The following MTHFD2L variants were observed in gnomAD, a reference collection of about 807,000 sequenced individuals.
MTHFD2L encodes methylenetetrahydrofolate dehydrogenase (NADP+ dependent) 2 like.
Under a neutral mutation model 34.9 loss-of-function variants are expected in MTHFD2L, and 29 were observed. The ratio of observed to expected loss-of-function variants is 0.83; its 90% CI spans 0.62 to 1.13. MTHFD2L has a LOEUF of 1.13. Ranked by LOEUF, MTHFD2L falls within the 50% of genes most tolerant of loss-of-function variation. The pLI is 0.00. For synonymous variants in MTHFD2L, 167 were observed against 155.7 expected (o/e 1.07, Z -0.54); for missense variants, 481 against 446.5 (o/e 1.08, Z -0.70).
intron 6 of MTHFD2L, among the ~76,000 whole-genome samples, chr4:74,228,839 T>TG (rs1739581768): frequency 6.6e-6 from 1 of 152,198 alleles, no homozygotes; most frequent in Admixed American, 6.5e-5. Context: ...TTAGGTGTGG[T>TG]GGGTGTTGAG....
intron 6 of MTHFD2L, among the ~76,000 whole-genome samples, chr4:74,270,989 A>T (rs1272506696): frequency 2.0e-5 from 3 of 152,098 alleles, no homozygotes; most frequent in African/African-American, 7.2e-5. Flanking sequence ...GTGTCTGTTC[A>T]TATCCTTCGC....
chr4:74,234,978 A>G lies in MTHFD2L; in HGVS notation c.805+9584A>G, dbSNP rs148291842. Among the ~76,000 whole-genome samples the G allele has an allele frequency of 3.4e-3, 523 of 152,198 alleles. 6 individuals are homozygous for G. Among genetic ancestry groups the G allele is most frequent in the African/African-American group, 0.012 (484 of 41,548 alleles). ...TGAACAGAAATTCACTAGGCAGAAT[A>G]AAAGGCAATGAGACTTCTGGCAGCT... is the stretch of plus-strand genomic sequence containing the variant. On this transcript the variant is annotated intron_variant, in intron 6 of 7. Coordinates refer to ENST00000325278, the MANE Select transcript of MTHFD2L (RefSeq NM_001144978.3).
intron 1 of MTHFD2L, 81 bp downstream of exon 1, chr4:74,158,362 G>A: frequency 9.4e-7 from 1 of 1,058,810 alleles, no homozygotes; most frequent in Non-Finnish European, 1.2e-6. Flanking sequence ...CGCGCGCGTG[G>A]GGCCCAAGGC....
chr4:74,189,601 GTCTC>G (rs1038166983), intron 3 of MTHFD2L, among the ~76,000 whole-genome samples: 1 of 144,556 alleles, frequency 6.9e-6, no homozygotes, highest in East Asian at 2.1e-4. Context: ...AGCCACTTAT[GTCTC>G]TCTCTCTCAT....
At chr4:74,268,363 G>T (rs1745566034) in intron 6 of MTHFD2L, 1 of 579,502 alleles carries the variant, frequency 1.7e-6, no homozygotes, top group Admixed American at 6.4e-5. Flanking sequence ...CTGAAGAAGT[G>T]ATCCACCTGA....
At chr4:74,192,403 C>T (rs1196484240) in intron 3 of MTHFD2L, among the ~76,000 whole-genome samples, 3 of 152,052 alleles carry the variant, frequency 2.0e-5, no homozygotes, top group African/African-American at 4.8e-5. Context: ...TTCCTTCACC[C>T]GTCCATTTTA....
intron 6 of MTHFD2L, chr4:74,266,758 A>C: frequency 1.5e-6 from 1 of 660,516 alleles, no homozygotes; most frequent in Non-Finnish European, 1.9e-6. Flanking sequence ...CCTGTCTATC[A>C]CTTTTCTGAG....
intron 6 of MTHFD2L, among the ~76,000 whole-genome samples, chr4:74,245,745 G>C (rs1448997305): frequency 6.6e-6 from 1 of 151,890 alleles, no homozygotes; most frequent in African/African-American, 2.4e-5. Flanking sequence ...TTTTGTCCTT[G>C]TGATAGTTTA....
At chr4:74,264,754 C>G (rs1026591001) in intron 6 of MTHFD2L, among the ~76,000 whole-genome samples, 1 of 151,690 alleles carries the variant, frequency 6.6e-6, no homozygotes, top group African/African-American at 2.4e-5. Flanking sequence ...GGTTGAGTTT[C>G]AGCAGCGTTA....
At chr4:74,287,163 G>T (rs1451865106) in intron 7 of MTHFD2L, among the ~76,000 whole-genome samples, 1 of 152,058 alleles carries the variant, frequency 6.6e-6, no homozygotes, top group Non-Finnish European at 1.5e-5. Flanking sequence ...CTCCTCTAGC[G>T]CAACTGACAT....
chr4:74,273,800 C>T (rs541381687), intron 6 of MTHFD2L, among the ~76,000 whole-genome samples: 29 of 152,290 alleles, frequency 1.9e-4, no homozygotes, highest in African/African-American at 6.7e-4. Flanking sequence ...TACCTCCTGC[C>T]TCAGCCCCCC....
intron 3 of MTHFD2L, among the ~76,000 whole-genome samples, chr4:74,177,566 C>T (rs1350524997): frequency 3.9e-5 from 6 of 151,928 alleles, no homozygotes. Flanking sequence ...GATATCACCT[C>T]ACACCTGTTA....
At chr4:74,274,069 C>G (rs1746321078) in intron 6 of MTHFD2L, among the ~76,000 whole-genome samples, 1 of 151,578 alleles carries the variant, frequency 6.6e-6, no homozygotes, top group African/African-American at 2.4e-5. Flanking sequence ...CCAGGCTGGT[C>G]TCAAACTCCT....
At chr4:74,222,781 A>G (rs761723301) in intron 5 of MTHFD2L, among the ~76,000 whole-genome samples, 10 of 152,098 alleles carry the variant, frequency 6.6e-5, no homozygotes, top group Non-Finnish European at 1.2e-4. Flanking sequence ...CATTTTCAAA[A>G]TTGTTTGCAA....
intron 6 of MTHFD2L, among the ~76,000 whole-genome samples, chr4:74,280,937 G>A (rs932066427): frequency 6.6e-6 from 1 of 151,928 alleles, no homozygotes; most frequent in Non-Finnish European, 1.5e-5. Flanking sequence ...CAACCCTGGG[G>A]AATATGAATT....
intron 7 of MTHFD2L, among the ~76,000 whole-genome samples, chr4:74,297,703 CT>C: frequency 6.6e-6 from 1 of 152,202 alleles, no homozygotes; most frequent in South Asian, 2.1e-4. Flanking sequence ...TGCTTGTTAC[CT>C]TGCTCTCTTT....
intron 1 of MTHFD2L, among the ~76,000 whole-genome samples, chr4:74,158,694 T>A (rs1021165052): frequency 6.6e-6 from 1 of 152,206 alleles, no homozygotes; most frequent in African/African-American, 2.4e-5. Flanking sequence ...GTTTCTGAAT[T>A]CCTTTGTTAA....
At chr4:74,157,469 C>T (rs1053895408), upstream of MTHFD2L, 1 of 360,090 alleles carries the variant, frequency 2.8e-6, no homozygotes, top group Non-Finnish European at 5.5e-6. Flanking sequence ...ACCACACAAG[C>T]TCACCACACA....
At chr4:74,200,166 G>T (rs895334295) in intron 4 of MTHFD2L, among the ~76,000 whole-genome samples, 4 of 152,028 alleles carry the variant, frequency 2.6e-5, no homozygotes, top group Non-Finnish European at 5.9e-5. Flanking sequence ...CAAAAAATTA[G>T]CCAGGTGTGG....
Sources: gnomAD v4.1 joint callset for allele counts (sites outside exome capture counted in the v4.1 genomes callset) on GRCh38, gnomAD v4.1.1 for gene constraint, MANE v1.5 for transcripts, NCBI Gene and HGNC (gene_info 2026-07-23, HGNC 2026-07-21) for gene names.